The following DNAAF11 variants were observed in gnomAD, a reference collection of about 807,000 sequenced individuals.
The protein encoded by DNAAF11 is leucine rich repeat containing 6.
DNAAF11 carries 45 observed loss-of-function variants against 60.8 expected under a neutral mutation model. The ratio of observed to expected loss-of-function variants is 0.74; its 90% confidence interval spans 0.58 to 0.95. DNAAF11 has a LOEUF of 0.95. Ranked by LOEUF, DNAAF11 falls within the 40% of genes least tolerant of loss-of-function variation. The pLI is 0.00. For synonymous variants in DNAAF11, 191 were observed against 183.5 expected (o/e 1.04, Z -0.33); for missense variants, 546 against 546.2 (o/e 1.00, Z 0.00).
chr8:132,584,000 A>G (rs907854057), intron 10 of DNAAF11, among the ~76,000 whole-genome samples: 1 of 152,138 alleles, frequency 6.6e-6, no homozygotes, highest in Non-Finnish European at 1.5e-5. Flanking sequence ...GCTATCTACA[A>G]CTGCCAAAGG....
the DNAAF11 span, among the ~76,000 whole-genome samples, chr8:132,700,879 C>A: frequency 6.6e-6 from 1 of 152,132 alleles, no homozygotes; most frequent in Admixed American, 6.5e-5. Context: ...GATAGAGTGT[C>A]TTCCTCATTT....
At chr8:132,666,497 TAA>T (rs1461244001) in intron 1 of DNAAF11, among the ~76,000 whole-genome samples, 2 of 152,028 alleles carry the variant, frequency 1.3e-5, no homozygotes, top group African/African-American at 4.8e-5. Context: ...TGTCCAGAAT[TAA>T]GGAGAGGCAG....
intron 3 of DNAAF11, chr8:132,643,780 G>GT: frequency 2.2e-6 from 1 of 452,266 alleles, no homozygotes; most frequent in Non-Finnish European, 4.4e-6. Flanking sequence ...TTAGACACTT[G>GT]TAATAGAAGA....
intron 1 of DNAAF11, among the ~76,000 whole-genome samples, chr8:132,666,462 C>G (rs1378769120): frequency 4.6e-5 from 7 of 151,928 alleles, no homozygotes; most frequent in Admixed American, 4.6e-4. Flanking sequence ...AAAAAAGATA[C>G]AAACTCTGCC....
At chr8:132,595,523 C>G (rs149373516) in intron 10 of DNAAF11, among the ~76,000 whole-genome samples, 1 of 151,816 alleles carries the variant, frequency 6.6e-6, no homozygotes, top group Non-Finnish European at 1.5e-5. Flanking sequence ...GGTTTCAACA[C>G]GGGAATAAAG....
intron 5 of DNAAF11, among the ~76,000 whole-genome samples, chr8:132,631,365 A>C (rs1199775709): frequency 6.6e-6 from 1 of 152,200 alleles, no homozygotes; most frequent in Admixed American, 6.5e-5. Context: ...CTGGTCATTA[A>C]CTACTTTGAA....
intron 10 of DNAAF11, among the ~76,000 whole-genome samples, chr8:132,595,344 AG>A (rs753996965): frequency 0.26 from 9,764 of 37,540 alleles, 4,327 homozygotes; most frequent in African/African-American, 0.47. Flanking sequence ...AGAGAGACAG[AG>A]GGGAAAAAAA....
chr8:132,626,399 C>T (rs540595085), intron 5 of DNAAF11, among the ~76,000 whole-genome samples: 16 of 152,254 alleles, frequency 1.1e-4, no homozygotes, highest in African/African-American at 3.6e-4. Flanking sequence ...TCATGGATAA[C>T]TTCTGATTAT....
intron 3 of DNAAF11, among the ~76,000 whole-genome samples, chr8:132,642,879 T>A (rs1311851350): frequency 8.5e-5 from 13 of 152,220 alleles, no homozygotes; most frequent in Non-Finnish European, 1.5e-5. Flanking sequence ...TGAACGGATA[T>A]GTTAGAGCAG....
intron 10 of DNAAF11, among the ~76,000 whole-genome samples, chr8:132,608,975 T>G (rs920084494): frequency 6.6e-6 from 1 of 152,148 alleles, no homozygotes; most frequent in African/African-American, 2.4e-5. Flanking sequence ...GTTAATCAAG[T>G]TTGTACTCTT....
In DNAAF11 at chr8:132,581,678, A is replaced by AG. The variant is rs1416389553; in HGVS notation, c.1226+2015_1226+2016insC. Among the ~76,000 whole-genome samples, 395 of 151,278 alleles carry AG rather than the reference A, an allele frequency of 2.6e-3. 2 individuals are homozygous for AG. The highest frequency in any genetic ancestry group is 9.1e-3 in the African/African-American group (375 of 41,048). On this transcript the variant is annotated intron_variant, in intron 11 of 11. Transcript: ENST00000620350. ...CTCTGCCTCAAAAAAAAAAAAAAAA[A>AG]AAAAAGAAGAAGAAGAAGAAGAACA...
In DNAAF11 at chr8:132,610,219, T is replaced by C; in HGVS notation, c.1087A>G (p.Ser363Gly). The change falls in exon 10 of 12, where the codon AGT becomes GGT. Residue 363 changes from serine (S) to glycine (G), a missense_variant. Transcript: ENST00000620350. ...GTTGTCTGAGATCTTTTAGCAGAAC[T>C]ACTATCGGGTTTCACTTCTGCAGGA... ...VLPAEVKPDS[S>G]SAKRSQTTGH... 4 of 1,614,006 alleles carry C rather than the reference T, an allele frequency of 2.5e-6. No individual in the cohort carries two copies. The highest frequency in any genetic ancestry group is 2.5e-6 in the Non-Finnish European group (3 of 1,179,934).
At position 132,656,842 on chromosome 8, in the gene DNAAF11, CTATTT is replaced by C; in HGVS notation, c.239_243del (p.Lys80ArgfsTer7). ...GAAACAGTCTTACCTTCCAAGTTTT[CTATTT>C]TTTCAATGTTGTTTAAAGCTAAATT... On this transcript the variant is annotated frameshift_variant, in exon 3 of 12. Transcript: ENST00000620350. LOFTEE classifies it high-confidence loss of function. The C allele has an allele frequency of 7.5e-7, 1 of 1,333,266 alleles. No homozygotes were observed. Among genetic ancestry groups the C allele is most frequent in the Non-Finnish European group, 1.1e-6 (1 of 948,964 alleles). 82.6% of individuals were successfully genotyped at this position (1,333,266 alleles called of 1,614,324 possible).
intron 4 of DNAAF11, among the ~76,000 whole-genome samples, chr8:132,636,196 C>T (rs1032614155): frequency 2.0e-5 from 3 of 150,440 alleles, no homozygotes; most frequent in African/African-American, 7.3e-5. Context: ...CCTATTTTTA[C>T]ATAGTAGTAA....
intron 3 of DNAAF11, among the ~76,000 whole-genome samples, chr8:132,645,944 C>A (rs775482118): frequency 3.3e-5 from 5 of 152,186 alleles, no homozygotes; most frequent in Non-Finnish European, 7.3e-5. Context: ...CTTCCCCAAC[C>A]TAGCAAGGTA....
chr8:132,606,320 A>G (rs1208308331), intron 10 of DNAAF11, among the ~76,000 whole-genome samples: 1 of 152,038 alleles, frequency 6.6e-6, no homozygotes, highest in Non-Finnish European at 1.5e-5. Flanking sequence ...CTTATATTTA[A>G]AAAAAATAAT....
At chr8:132,654,687 G>GA (rs908023514) in intron 3 of DNAAF11, among the ~76,000 whole-genome samples, 47 of 140,654 alleles carry the variant, frequency 3.3e-4, no homozygotes, top group Non-Finnish European at 4.4e-4. Context: ...ATAGGTTAAA[G>GA]AAAAAAATTG....
In DNAAF11 at chr8:132,606,616, C is replaced by T. The variant is rs1818160922; in HGVS notation, c.1140+3550G>A. Among the ~76,000 whole-genome samples the T allele has an allele frequency of 2.0e-5, 3 of 152,320 alleles. 1 individual carries two copies. In the South Asian group the frequency reaches 6.2e-4, roughly 32 times the overall value. On this transcript the variant is annotated intron_variant, in intron 10 of 11. Transcript: ENST00000620350. The stretch of plus-strand genomic sequence containing the variant: ...TACCTCCCAGGTTCAAGCCATCCTT[C>T]TGCCTTAGCCTCCTGAGTAGCTGGG...
At chr8:132,598,923 C>G (rs1817301335) in intron 10 of DNAAF11, among the ~76,000 whole-genome samples, 1 of 152,092 alleles carries the variant, frequency 6.6e-6, no homozygotes, top group African/African-American at 2.4e-5. Flanking sequence ...TAACTAAGAT[C>G]AGAGCAGAAC....
Sources: gnomAD v4.1 joint callset for allele counts (sites outside exome capture counted in the v4.1 genomes callset) on GRCh38, gnomAD v4.1.1 for gene constraint, MANE v1.5 for transcripts, NCBI Gene and HGNC (gene_info 2026-07-23, HGNC 2026-07-21) for gene names.